The following C12orf56 variants were observed in gnomAD, a reference collection of about 807,000 sequenced individuals.
C12orf56 encodes uncharacterized protein C12orf56.
Under a neutral mutation model 69.9 loss-of-function variants are expected in C12orf56, and 71 were observed. The observed-to-expected ratio is 1.02, with a 90% CI of 0.84 to 1.24. C12orf56 has a LOEUF of 1.24. C12orf56 is among the 50% of genes most tolerant of loss of function. C12orf56 has a pLI of 0.00. For missense variants in C12orf56, 732 were observed against 738.5 expected (o/e 0.99, Z 0.10); for synonymous variants, 276 against 274.1 (o/e 1.01, Z -0.07).
chr12:64,273,909 A>G (rs1311405956), intron 11 of C12orf56, among the ~76,000 whole-genome samples: 1 of 152,218 alleles, frequency 6.6e-6, no homozygotes, highest in Non-Finnish European at 1.5e-5. Flanking sequence ...CAGTCCCACC[A>G]TGTGCCCAGA....
chr12:64,277,817 A>G lies in C12orf56; in HGVS notation c.1311-14T>C, dbSNP rs1011286314. 1 of 1,526,222 alleles carries G rather than the reference A, an allele frequency of 6.6e-7. No homozygotes were observed. Among genetic ancestry groups the G allele is most frequent in the East Asian group, 2.3e-5 (1 of 42,802 alleles). The allele number at this position is 1,526,222 out of a possible 1,614,324, so 94.5% of individuals were successfully genotyped here. On this transcript the variant is annotated splice_polypyrimidine_tract_variant and intron_variant, in intron 8 of 12. Transcript: ENST00000543942. Reference sequence around the variant, plus strand: ...AATAGTGCTCCCCTGGAAAAAAATAAATAAAAGGCAATTAGTGAGCAAAGT... The same window carrying G: ...AATAGTGCTCCCCTGGAAAAAAATAGATAAAAGGCAATTAGTGAGCAAAGT...
At chr12:64,390,246 G>C (rs1369898422) in intron 1 of C12orf56, 68 bp downstream of exon 1, 1 of 1,507,428 alleles carries the variant, frequency 6.6e-7, no homozygotes, top group Admixed American at 2.1e-5. Flanking sequence ...AGGAGGGCTG[G>C]GTTTGGGGGC....
chr12:64,313,680 G>A (rs182768061), intron 4 of C12orf56, among the ~76,000 whole-genome samples: 62 of 151,050 alleles, frequency 4.1e-4, no homozygotes, highest in African/African-American at 1.5e-3. Context: ...AAATTATATC[G>A]CATATATTAA....
intron 3 of C12orf56, among the ~76,000 whole-genome samples, chr12:64,325,431 C>A (rs2038826324): frequency 6.6e-6 from 1 of 151,996 alleles, no homozygotes; most frequent in Non-Finnish European, 1.5e-5. Flanking sequence ...TTCTAACTTT[C>A]TGATAAGTAA....
chr12:64,279,412 TAA>T (rs1351987297), intron 8 of C12orf56, among the ~76,000 whole-genome samples: 2 of 152,218 alleles, frequency 1.3e-5, no homozygotes, highest in African/African-American at 4.8e-5. Flanking sequence ...GGCAGACTGC[TAA>T]AAACTCAGTT....
At chr12:64,386,028 C>G (rs1055821556) in intron 1 of C12orf56, among the ~76,000 whole-genome samples, 2 of 151,940 alleles carry the variant, frequency 1.3e-5, no homozygotes, top group Non-Finnish European at 2.9e-5. Flanking sequence ...GTTGGCAGGA[C>G]CTTCTGGAAG....
At chr12:64,361,009 C>A (rs1047452948) in intron 1 of C12orf56, among the ~76,000 whole-genome samples, 1 of 152,076 alleles carries the variant, frequency 6.6e-6, no homozygotes, top group Non-Finnish European at 1.5e-5. Flanking sequence ...CACTTGAAGT[C>A]GGGAGTTTGA....
At chr12:64,380,087 A>G (rs1358599611) in intron 1 of C12orf56, among the ~76,000 whole-genome samples, 1 of 125,188 alleles carries the variant, frequency 8.0e-6, no homozygotes, top group Non-Finnish European at 1.6e-5. Flanking sequence ...CCTGGGCGAC[A>G]GAGCAAGACT....
chr12:64,380,283 C>A (rs957600361), intron 1 of C12orf56, among the ~76,000 whole-genome samples: 3 of 152,082 alleles, frequency 2.0e-5, no homozygotes, highest in Admixed American at 6.6e-5. Flanking sequence ...GCCTGAGTAA[C>A]GGCCAGTGTG....
Position 64,303,748 on chromosome 12 carries a change from G to T in C12orf56, c.1000C>A (p.Leu334Ile). The T allele has an allele frequency of 1.3e-6, 2 of 1,585,744 alleles. No homozygotes were observed. Among genetic ancestry groups the T allele is most frequent in the South Asian group, 1.2e-5 (1 of 84,398 alleles). Residue 334 changes from leucine (L) to isoleucine (I), a missense_variant, in exon 6 of 13, where the codon CTT (leucine) becomes ATT (isoleucine). Physicochemically the swap from Leu to Ile is conservative, Grantham distance 5. Coordinates refer to ENST00000543942, the MANE Select transcript of C12orf56 (RefSeq NM_001170633.2). ...SEEKIKHFSQ[L>I]KSELFLKDNS... ...TCTTTAAGAAAAAGTTCAGATTTAA[G>T]TTGACTGAAGTGCTTAATTTTCTCC...
chr12:64,356,987 T>C (rs2039326563), intron 1 of C12orf56, among the ~76,000 whole-genome samples: 1 of 152,146 alleles, frequency 6.6e-6, no homozygotes, highest in Admixed American at 6.5e-5. Context: ...AAATCTCCTT[T>C]AATAAACACT....
chr12:64,338,226 G>T, intron 2 of C12orf56: 1 of 566,724 alleles, frequency 1.8e-6, no homozygotes. Flanking sequence ...CCGACTTCTG[G>T]CATCATCTGC....
At chr12:64,379,252 C>A (rs1423926341) in intron 1 of C12orf56, among the ~76,000 whole-genome samples, 1 of 152,002 alleles carries the variant, frequency 6.6e-6, no homozygotes, top group African/African-American at 2.4e-5. Context: ...AAGATGCCTG[C>A]CTTCATGAAG....
intron 1 of C12orf56, among the ~76,000 whole-genome samples, chr12:64,380,121 AAAAAAAAAAAAAACAAAACAAAC>A (rs2039697391): frequency 8.7e-5 from 8 of 92,432 alleles, no homozygotes; most frequent in Admixed American, 1.1e-4. Context: ...AAAAAAAAAA[AAAAAAAAAAAAAACAAAACAAAC>A]AAAAAAAAAC....
intron 2 of C12orf56, among the ~76,000 whole-genome samples, chr12:64,349,857 G>T (rs2039197504): frequency 6.6e-6 from 1 of 152,130 alleles, no homozygotes; most frequent in Admixed American, 6.6e-5. Context: ...ACTTTGGGAG[G>T]CCAAGGCAGG....
chr12:64,347,452 A>G (rs921965764), intron 2 of C12orf56, among the ~76,000 whole-genome samples: 15 of 151,700 alleles, frequency 9.9e-5, no homozygotes. Context: ...CGCCTGGCTA[A>G]TTTTTGTATT....
chr12:64,356,160 G>A (rs1377643069), intron 1 of C12orf56, among the ~76,000 whole-genome samples: 1 of 112,030 alleles, frequency 8.9e-6, no homozygotes, highest in Non-Finnish European at 1.6e-5. Flanking sequence ...CCAGGAGCAA[G>A]ACTCCATCTC....
intron 2 of C12orf56, chr12:64,352,228 A>G (rs1174183457): frequency 2.0e-5 from 3 of 151,936 alleles, no homozygotes; most frequent in African/African-American, 4.8e-5. Flanking sequence ...ATTTTGATAC[A>G]TGTTTTCTAA....
chr12:64,312,110 T>C (rs1256626740), intron 5 of C12orf56, among the ~76,000 whole-genome samples: 1 of 152,194 alleles, frequency 6.6e-6, no homozygotes, highest in African/African-American at 2.4e-5. Flanking sequence ...AATGACATCA[T>C]TCCCTGTGTT....
Sources: gnomAD v4.1 joint callset for allele counts (sites outside exome capture counted in the v4.1 genomes callset) on GRCh38, gnomAD v4.1.1 for gene constraint, MANE v1.5 for transcripts, NCBI Gene and HGNC (gene_info 2026-07-23, HGNC 2026-07-21) for gene names.